SLC9A9: variants seen among roughly 807,000 people sequenced by gnomAD.
The protein encoded by SLC9A9 is solute carrier family 9 member A9.
Under a neutral mutation model 77.8 loss-of-function variants are expected in SLC9A9, and 62 were observed. The observed-to-expected ratio is 0.80, with a 90% CI of 0.65 to 0.98. The LOEUF is 0.98. SLC9A9 is among the 50% of genes least tolerant of loss of function. SLC9A9 has a pLI of 0.00. For synonymous variants in SLC9A9, 320 were observed against 283.5 expected, an observed-to-expected ratio of 1.13 and a Z score of -1.29; for missense variants, 775 against 774.9, an observed-to-expected ratio of 1.00 and a Z score of 0.00.
chr3:143,786,017 C>T (rs1051628112), intron 4 of SLC9A9, among the ~76,000 whole-genome samples: 4 of 151,424 alleles, frequency 2.6e-5, no homozygotes, highest in South Asian at 2.1e-4. Context: ...CCACCATGCC[C>T]GGCTAATTTT....
intron 2 of SLC9A9, among the ~76,000 whole-genome samples, chr3:143,829,101 G>T (rs533654986): frequency 7.9e-5 from 12 of 152,186 alleles, no homozygotes; most frequent in African/African-American, 2.9e-4. Flanking sequence ...TTAATTTCTT[G>T]TTTTGCCCAT....
At chr3:143,302,154 G>C (rs969749083) in intron 14 of SLC9A9, among the ~76,000 whole-genome samples, 2 of 152,212 alleles carry the variant, frequency 1.3e-5, no homozygotes, top group Non-Finnish European at 2.9e-5. Flanking sequence ...ACTCTGGATT[G>C]TGATGCAGAG....
At chr3:143,430,026 T>C (rs1301097735) in intron 12 of SLC9A9, among the ~76,000 whole-genome samples, 2 of 152,200 alleles carry the variant, frequency 1.3e-5, no homozygotes, top group South Asian at 4.1e-4. Context: ...GCCCTGCCCA[T>C]TCCAAGTTTA....
chr3:143,365,805 T>C (rs2032885673), intron 13 of SLC9A9, among the ~76,000 whole-genome samples: 1 of 152,194 alleles, frequency 6.6e-6, no homozygotes, highest in Non-Finnish European at 1.5e-5. Context: ...CTCAAACATC[T>C]GCAAACTGTT....
intron 14 of SLC9A9, among the ~76,000 whole-genome samples, chr3:143,356,953 G>C (rs190781653): frequency 6.6e-6 from 1 of 152,252 alleles, no homozygotes; most frequent in Admixed American, 6.5e-5. Context: ...TAGTATTCTA[G>C]GTGTTATTAA....
rs181887710 is a variant in SLC9A9 at position 143,803,189 on chromosome 3, C to T, written c.379-6286G>A. 1.1e-3 allele frequency among the ~76,000 whole-genome samples: 175 copies of T among 152,294 alleles called. 1 individual carries two copies. Among genetic ancestry groups the T allele is most frequent in the African/African-American group, 4.0e-3 (167 of 41,546 alleles). On this transcript the variant is annotated intron_variant, in intron 2 of 15. Transcript: ENST00000316549. ...CCAGAGTAAAGCTGTGTCCATCAGT[C>T]AGCCAGCCTAATCCCCCCTCTTCCT...
rs536166765 is a variant in SLC9A9, at chr3:143,695,328, C to T, written c.534-2021G>A. Among the ~76,000 whole-genome samples the T allele has an allele frequency of 4.6e-5, 7 of 152,220 alleles. No homozygotes were observed. The South Asian group carries it at 1.5e-3, about 32-fold the overall frequency. ...TTAGGTATTTCTCCTAATGCTGTCC[C>T]TTCCCTAGTCCCCCACACCACAACA... On this transcript the variant is annotated intron_variant, in intron 4 of 15. Transcript: ENST00000316549.
At position 143,436,791 on chromosome 3, in the gene SLC9A9, G is replaced by A. The variant is rs116967877; in HGVS notation, c.1469+30246C>T. Reference sequence around the variant, plus strand: ...AAATGCTCATCACAGGGAAATGAGTGTCCTCAGCTGGGATGAGTTGGCTGT... The same window carrying A: ...AAATGCTCATCACAGGGAAATGAGTATCCTCAGCTGGGATGAGTTGGCTGT... On this transcript the variant is annotated intron_variant, in intron 12 of 15. Coordinates refer to ENST00000316549, the MANE Select transcript of SLC9A9 (RefSeq NM_173653.4). Among the ~76,000 whole-genome samples, 262 of 152,320 alleles carry A rather than the reference G, an allele frequency of 1.7e-3. 4 individuals are homozygous for A. The East Asian group carries it at 0.04, about 23-fold the overall frequency.
intron 4 of SLC9A9, among the ~76,000 whole-genome samples, chr3:143,774,309 A>G (rs941313828): frequency 6.6e-6 from 1 of 152,150 alleles, no homozygotes; most frequent in African/African-American, 2.4e-5. Context: ...CCAGTGATAT[A>G]TTTTATTTTT....
intron 6 of SLC9A9, among the ~76,000 whole-genome samples, chr3:143,599,925 T>A (rs1474914877): frequency 6.6e-6 from 1 of 151,938 alleles, no homozygotes; most frequent in African/African-American, 2.4e-5. Flanking sequence ...TTGTCCAACA[T>A]AAAGCAACTA....
chr3:143,423,206 CACA>C (rs1559909410), intron 12 of SLC9A9, among the ~76,000 whole-genome samples: 2 of 104,724 alleles, frequency 1.9e-5, no homozygotes, highest in Non-Finnish European at 4.2e-5. Flanking sequence ...TACTTACCCT[CACA>C]CACACGTACA....
chr3:143,286,710 G>C (rs1253659995), intron 14 of SLC9A9, among the ~76,000 whole-genome samples: 1 of 152,206 alleles, frequency 6.6e-6, no homozygotes, highest in African/African-American at 2.4e-5. Context: ...TCTAGGTGGA[G>C]CTGGAAAGCA....
chr3:143,735,196 C>T (rs1214669405), intron 4 of SLC9A9, among the ~76,000 whole-genome samples: 1 of 152,074 alleles, frequency 6.6e-6, no homozygotes, highest in Non-Finnish European at 1.5e-5. Context: ...AAAGAGAAAG[C>T]AATCGTTGAG....
intron 14 of SLC9A9, among the ~76,000 whole-genome samples, chr3:143,331,692 G>A (rs899652701): frequency 2.0e-5 from 3 of 152,186 alleles, no homozygotes; most frequent in Non-Finnish European, 4.4e-5. Context: ...ATGAGTAAGC[G>A]ATAGTATCTG....
chr3:143,788,499 T>C (rs7426552), intron 4 of SLC9A9, among the ~76,000 whole-genome samples: 1 of 152,112 alleles, frequency 6.6e-6, no homozygotes, highest in Non-Finnish European at 1.5e-5. Context: ...GAGACCAGCC[T>C]GGCCAACATG....
At chr3:143,464,821 G>A (rs2035256675) in intron 12 of SLC9A9, among the ~76,000 whole-genome samples, 1 of 152,166 alleles carries the variant, frequency 6.6e-6, no homozygotes, top group Admixed American at 6.6e-5. Context: ...ATTCAAGTTT[G>A]AGAGCCATTG....
chr3:143,411,385 A>C (rs2034093926), intron 12 of SLC9A9, among the ~76,000 whole-genome samples: 1 of 151,964 alleles, frequency 6.6e-6, no homozygotes, highest in Non-Finnish European at 1.5e-5. Context: ...CTTTCCTTCC[A>C]CCTGCTACTT....
intron 8 of SLC9A9, among the ~76,000 whole-genome samples, chr3:143,566,068 G>A (rs1309095548): frequency 6.6e-6 from 1 of 152,066 alleles, no homozygotes; most frequent in African/African-American, 2.4e-5. Context: ...GATGAGATGA[G>A]AAGTAATAAG....
intron 9 of SLC9A9, among the ~76,000 whole-genome samples, chr3:143,499,187 A>G (rs758981118): frequency 4.6e-5 from 7 of 152,234 alleles, no homozygotes; most frequent in Admixed American, 2.0e-4. Context: ...CAACTTTTCA[A>G]TTTCCACAAA....
Sources: gnomAD v4.1 joint callset for allele counts (sites outside exome capture counted in the v4.1 genomes callset) on GRCh38, gnomAD v4.1.1 for gene constraint, MANE v1.5 for transcripts, NCBI Gene and HGNC (gene_info 2026-07-23, HGNC 2026-07-21) for gene names.